SLC44A5: variants seen among roughly 807,000 people sequenced by gnomAD.
SLC44A5 encodes choline transporter-like protein 5.
SLC44A5 carries 57 observed loss-of-function variants against 101.8 expected under a neutral mutation model. The ratio of observed to expected loss-of-function variants is 0.56; its 90% CI spans 0.45 to 0.70. The LOEUF is 0.70. SLC44A5 is among the 30% of genes least tolerant of loss of function. SLC44A5 has a pLI of 0.00. For missense variants in SLC44A5, 737 were observed against 853.1 expected (o/e 0.86, Z 1.70); for synonymous variants, 281 against 290.9 (o/e 0.97, Z 0.35).
intron 3 of SLC44A5, among the ~76,000 whole-genome samples, chr1:75,349,316 G>A (rs1487679843): frequency 6.6e-6 from 1 of 152,154 alleles, no homozygotes; most frequent in Non-Finnish European, 1.5e-5. Context: ...TCCAGCCTGG[G>A]AAACAGAGCG....
chr1:75,566,162 G>A (rs1672774665), intron 1 of SLC44A5, among the ~76,000 whole-genome samples: 1 of 152,130 alleles, frequency 6.6e-6, no homozygotes, highest in Non-Finnish European at 1.5e-5. Context: ...GAGACTCAGT[G>A]CCCAATGATT....
At chr1:75,678,501 C>A in the SLC44A5 span, among the ~76,000 whole-genome samples, 1 of 151,152 alleles carries the variant, frequency 6.6e-6, no homozygotes, top group Non-Finnish European at 1.5e-5. Context: ...AGCAGGGGCA[C>A]ACTGACACCT....
upstream of SLC44A5, among the ~76,000 whole-genome samples, chr1:75,612,230 T>C (rs549547701): frequency 6.6e-6 from 1 of 152,274 alleles, no homozygotes; most frequent in South Asian, 2.1e-4. Flanking sequence ...GGAATGCTCC[T>C]CTCCCTGAAA....
At chr1:75,222,540 A>G (rs1251918099) in intron 13 of SLC44A5, 80 bp from the exon 14 acceptor site, 18 of 806,372 alleles carry the variant, frequency 2.2e-5, no homozygotes, top group Non-Finnish European at 3.5e-5. Flanking sequence ...CTAGGATTGA[A>G]CTTTATGATT....
At chr1:75,279,358 C>T (rs545089613) in intron 5 of SLC44A5, among the ~76,000 whole-genome samples, 1 of 152,010 alleles carries the variant, frequency 6.6e-6, no homozygotes, top group Admixed American at 6.6e-5. Context: ...GAAAGTCAAG[C>T]AGAAAGTGAG....
At chr1:75,576,353 T>C (rs757094602) in intron 1 of SLC44A5, among the ~76,000 whole-genome samples, 9 of 152,088 alleles carry the variant, frequency 5.9e-5, no homozygotes, top group South Asian at 2.1e-4. Context: ...CTTGCTCTTT[T>C]GCCCAGGCTG....
chr1:75,497,102 C>T (rs1239819129), intron 2 of SLC44A5, among the ~76,000 whole-genome samples: 1 of 152,046 alleles, frequency 6.6e-6, no homozygotes, highest in Non-Finnish European at 1.5e-5. Context: ...GGAAGTACTG[C>T]TATATATACG....
chr1:75,400,368 AAATT>A (rs1662398328), intron 2 of SLC44A5, among the ~76,000 whole-genome samples: 1 of 152,170 alleles, frequency 6.6e-6, no homozygotes, highest in African/African-American at 2.4e-5. Context: ...ACAGTAATAA[AAATT>A]ATTTTAATTA....
At chr1:75,708,356 G>C in the SLC44A5 span, among the ~76,000 whole-genome samples, 1 of 135,616 alleles carries the variant, frequency 7.4e-6, no homozygotes, top group Non-Finnish European at 1.5e-5. Flanking sequence ...GGAGGTTTCA[G>C]TGAGCCAAGA....
chr1:75,504,821 A>G (rs1405936412), intron 2 of SLC44A5, among the ~76,000 whole-genome samples: 1 of 152,066 alleles, frequency 6.6e-6, no homozygotes, highest in Non-Finnish European at 1.5e-5. Flanking sequence ...TTGTCAGTGT[A>G]AATAATTATT....
intron 8 of SLC44A5, among the ~76,000 whole-genome samples, chr1:75,242,588 T>C (rs1648730382): frequency 6.6e-6 from 1 of 152,084 alleles, no homozygotes; most frequent in Admixed American, 6.6e-5. Context: ...CAAATGACAT[T>C]AACTCCTAGT....
the SLC44A5 span, among the ~76,000 whole-genome samples, chr1:75,644,385 CA>C: frequency 6.6e-6 from 1 of 151,588 alleles, no homozygotes; most frequent in African/African-American, 2.4e-5. Context: ...TTCAGAGAAA[CA>C]ATTGGCCTAT....
intron 7 of SLC44A5, among the ~76,000 whole-genome samples, chr1:75,250,523 T>C (rs1649480782): frequency 6.6e-6 from 1 of 152,162 alleles, no homozygotes; most frequent in Non-Finnish European, 1.5e-5. Flanking sequence ...TACCCAATAA[T>C]GGGATTGCTG....
chr1:75,597,859 C>T (rs1340796208), intron 1 of SLC44A5, among the ~76,000 whole-genome samples: 1 of 152,076 alleles, frequency 6.6e-6, no homozygotes, highest in African/African-American at 2.4e-5. Context: ...GAGGGCATTA[C>T]CATTCAGAAT....
intron 2 of SLC44A5, among the ~76,000 whole-genome samples, chr1:75,485,325 C>T (rs900798047): frequency 6.6e-6 from 1 of 152,210 alleles, no homozygotes; most frequent in Admixed American, 6.5e-5. Flanking sequence ...TTTCTTCTGT[C>T]AGACACCCTA....
rs3058800 is a variant in SLC44A5 at position 75,471,382 on chromosome 1, A to AACAC, written c.13+70049_13+70052dup. 1.9e-3 allele frequency among the ~76,000 whole-genome samples: 290 copies of AACAC among 149,320 alleles called. 1 individual carries two copies. Among genetic ancestry groups the AACAC allele is most frequent in the African/African-American group, 3.5e-3 (143 of 40,604 alleles). ...TAATACATAAGCTTGTGTGCATGAA[A>AACAC]ACACACACACACACACACACACACA... On this transcript the variant is annotated intron_variant, in intron 2 of 23. Coordinates refer to ENST00000370859, the MANE Select transcript of SLC44A5 (RefSeq NM_001130058.2).
intron 5 of SLC44A5, among the ~76,000 whole-genome samples, chr1:75,282,409 G>A (rs147872806): frequency 0.024 from 3,728 of 152,236 alleles, 152 homozygotes; most frequent in African/African-American, 0.086. Flanking sequence ...TGTCTCAGAT[G>A]AGACTTTGGA....
At chr1:75,339,225 G>A (rs1441449810) in intron 4 of SLC44A5, among the ~76,000 whole-genome samples, 1 of 150,874 alleles carries the variant, frequency 6.6e-6, no homozygotes, top group Non-Finnish European at 1.5e-5. Context: ...ATTTGCAATG[G>A]TGAGTCCCAG....
chr1:75,657,548 A>T, the SLC44A5 span, among the ~76,000 whole-genome samples: 463 of 77,482 alleles, frequency 6.0e-3, 1 homozygote, highest in African/African-American at 0.014. Context: ...ACTCTTTCTT[A>T]AAAAAAAAAA....
Sources: allele counts gnomAD v4.1 joint callset (sites outside exome capture counted in the v4.1 genomes callset), GRCh38; gene constraint gnomAD v4.1.1; transcripts MANE v1.5; gene names NCBI Gene and HGNC (gene_info 2026-07-23, HGNC 2026-07-21).